The following SLC9C1 variants were observed in gnomAD, a reference collection of about 807,000 sequenced individuals.
SLC9C1 encodes sodium/hydrogen exchanger 10.
A neutral mutation model predicts 140.9 loss-of-function variants in SLC9C1; 97 were observed. The ratio of observed to expected loss-of-function variants is 0.69; its 90% confidence interval spans 0.58 to 0.82. The LOEUF (loss-of-function observed/expected upper bound fraction) is 0.82, where lower values mean the gene tolerates loss of function less well. Ranked by LOEUF, SLC9C1 falls within the 40% of genes least tolerant of loss-of-function variation. SLC9C1 has a pLI of 0.00. For missense variants in SLC9C1, 1,340 were observed against 1,389.3 expected, an observed-to-expected ratio of 0.96 and a Z score of 0.56; for synonymous variants, 440 against 442.6, an observed-to-expected ratio of 0.99 and a Z score of 0.07.
At chr3:112,187,520 C>T (rs2077561923) in intron 20 of SLC9C1, among the ~76,000 whole-genome samples, 1 of 152,014 alleles carries the variant, frequency 6.6e-6, no homozygotes, top group Non-Finnish European at 1.5e-5. Flanking sequence ...AATGATGTAA[C>T]CAATAGAAGA....
intron 16 of SLC9C1, among the ~76,000 whole-genome samples, chr3:112,204,861 G>A (rs1029992735): frequency 4.6e-5 from 7 of 151,872 alleles, no homozygotes; most frequent in Non-Finnish European, 8.8e-5. Context: ...TGACACATGT[G>A]GGCAAAGTTT....
chr3:112,278,334 T>G lies in SLC9C1; in HGVS notation c.318+395A>C, dbSNP rs867205925. ...TAAAGTTTAGCTGCTTGTGTTTTCT[T>G]CTCTGCTTTTATTCTCTTAGATATG... On this transcript the variant is annotated intron_variant, in intron 4 of 28. Transcript: ENST00000305815. Among the ~76,000 whole-genome samples, 11 of 152,296 alleles carry G rather than the reference T, an allele frequency of 7.2e-5. No individual in the cohort carries two copies. In the East Asian group the frequency reaches 1.7e-3, roughly 24 times the overall value.
intron 23 of SLC9C1, among the ~76,000 whole-genome samples, chr3:112,179,086 A>T (rs2077391983): frequency 6.6e-6 from 1 of 152,176 alleles, no homozygotes; most frequent in African/African-American, 2.4e-5. Flanking sequence ...TGCAGTCATT[A>T]TTCTTTTTGA....
intron 20 of SLC9C1, among the ~76,000 whole-genome samples, chr3:112,192,862 T>C (rs1288636653): frequency 6.6e-6 from 1 of 152,238 alleles, no homozygotes; most frequent in Non-Finnish European, 1.5e-5. Context: ...TAGAGAGTTA[T>C]TGTGTTCCCC....
chr3:112,191,114 G>T (rs1189697745), intron 20 of SLC9C1, among the ~76,000 whole-genome samples: 2 of 151,992 alleles, frequency 1.3e-5, no homozygotes, highest in Admixed American at 6.6e-5. Context: ...ACAAGTTTTT[G>T]ATGGTTTTCT....
At position 112,187,972 on chromosome 3, in the gene SLC9C1, G is replaced by A. The variant is rs1055128765; in HGVS notation, c.2524-5714C>T. Among the ~76,000 whole-genome samples the A allele has an allele frequency of 2.1e-4, 32 of 151,606 alleles. 1 individual carries two copies. The highest frequency in any genetic ancestry group is 1.5e-5 in the Non-Finnish European group (1 of 67,850). ...GTATATATAGATATTTAAAATTCTT[G>A]TTTATTTACATATAATGTTATTTAT... On this transcript the variant is annotated intron_variant, in intron 20 of 28. Coordinates refer to ENST00000305815, the MANE Select transcript of SLC9C1 (RefSeq NM_183061.3).
intron 12 of SLC9C1, among the ~76,000 whole-genome samples, chr3:112,236,338 C>T (rs2078985668): frequency 6.6e-6 from 1 of 151,908 alleles, no homozygotes; most frequent in Non-Finnish European, 1.5e-5. Context: ...TTTTTTATTG[C>T]ATCTATTTGG....
At chr3:112,222,267 TA>T (rs1189419948) in intron 13 of SLC9C1, among the ~76,000 whole-genome samples, 4 of 152,174 alleles carry the variant, frequency 2.6e-5, no homozygotes, top group Non-Finnish European at 5.9e-5. Flanking sequence ...TAGAAGATGT[TA>T]ACTGTTAAAT....
intron 8 of SLC9C1, among the ~76,000 whole-genome samples, chr3:112,264,636 G>T (rs916222908): frequency 3.3e-5 from 5 of 151,902 alleles, no homozygotes; most frequent in Admixed American, 6.6e-5. Context: ...GAGAATTTAG[G>T]TACTAGAGGG....
At chr3:112,185,943 A>T (rs2077530540) in intron 20 of SLC9C1, 1 of 1,565,150 alleles carries the variant, frequency 6.4e-7, no homozygotes, top group African/African-American at 1.3e-5. Context: ...CGGCAGCAGT[A>T]GCTTGGGGTG....
chr3:112,188,718 C>T (rs1395534889), intron 20 of SLC9C1, among the ~76,000 whole-genome samples: 4 of 152,112 alleles, frequency 2.6e-5, no homozygotes, highest in African/African-American at 9.7e-5. Flanking sequence ...GTCTTTATAG[C>T]AGCATGATTT....
chr3:112,166,470 C>A (rs1474882887), intron 26 of SLC9C1, among the ~76,000 whole-genome samples: 1 of 152,204 alleles, frequency 6.6e-6, no homozygotes, highest in Non-Finnish European at 1.5e-5. Context: ...AACTTACAGT[C>A]ATGGTGGACA....
intron 1 of SLC9C1, among the ~76,000 whole-genome samples, chr3:112,291,606 G>A (rs1181624959): frequency 1.3e-5 from 2 of 152,086 alleles, no homozygotes; most frequent in East Asian, 3.9e-4. Context: ...CTATTAAAAA[G>A]TCAAAAAATA....
chr3:112,190,650 C>A (rs1160736956), intron 20 of SLC9C1, among the ~76,000 whole-genome samples: 1 of 151,918 alleles, frequency 6.6e-6, no homozygotes, highest in Non-Finnish European at 1.5e-5. Context: ...TACTTCTATT[C>A]TTTGATTATT....
At chr3:112,148,752 C>T (rs1459898969) in intron 28 of SLC9C1, among the ~76,000 whole-genome samples, 3 of 152,118 alleles carry the variant, frequency 2.0e-5, no homozygotes, top group African/African-American at 4.8e-5. Context: ...CCTGCTCAGC[C>T]TTGAGGGGAT....
At chr3:112,283,969 C>T (rs1046979582) in intron 2 of SLC9C1, among the ~76,000 whole-genome samples, 2 of 151,976 alleles carry the variant, frequency 1.3e-5, no homozygotes, top group African/African-American at 2.4e-5. Flanking sequence ...GCACAAAGTG[C>T]ATAGTAGTGT....
At chr3:112,247,463 T>C (rs1455196466) in intron 10 of SLC9C1, among the ~76,000 whole-genome samples, 1 of 152,174 alleles carries the variant, frequency 6.6e-6, no homozygotes. Flanking sequence ...CTCAATCTTA[T>C]CATTTTTCTT....
intron 13 of SLC9C1, among the ~76,000 whole-genome samples, chr3:112,222,998 A>T (rs1432441087): frequency 1.3e-5 from 2 of 152,166 alleles, no homozygotes; most frequent in African/African-American, 4.8e-5. Flanking sequence ...ACACTAGCCA[A>T]ACCATTGAAA....
chr3:112,160,905 A>T (rs2107885089), intron 26 of SLC9C1, among the ~76,000 whole-genome samples: 1 of 152,184 alleles, frequency 6.6e-6, no homozygotes. Context: ...AAGTGTTCCT[A>T]TTTCTCCACA....
Sources: allele counts gnomAD v4.1 joint callset (sites outside exome capture counted in the v4.1 genomes callset), GRCh38; gene constraint gnomAD v4.1.1; transcripts MANE v1.5; gene names NCBI Gene and HGNC (gene_info 2026-07-23, HGNC 2026-07-21).